Variants in RBFOX1 observed in about 807,000 individuals in gnomAD.
The protein encoded by RBFOX1 is RNA binding fox-1 homolog 1.
A neutral mutation model predicts 57.7 loss-of-function variants in RBFOX1; 8 were observed. The ratio of observed to expected loss-of-function variants is 0.14; its 90% confidence interval spans 0.08 to 0.25. The LOEUF is 0.25. RBFOX1 is among the 10% of genes least tolerant of loss of function. The pLI is 1.00. For missense variants in RBFOX1, 611 were observed against 548.5 expected, an observed-to-expected ratio of 1.11 and a Z score of -1.14; for synonymous variants, 326 against 222.4, an observed-to-expected ratio of 1.47 and a Z score of -4.15.
At chr16:6,849,628 C>T (rs926790881) in intron 3 of RBFOX1, among the ~76,000 whole-genome samples, 5 of 152,154 alleles carry the variant, frequency 3.3e-5, no homozygotes, top group East Asian at 3.9e-4. Context: ...GAGATTGTAC[C>T]ACTGTACTGC....
At chr16:6,234,164 C>G (rs914156804) in intron 1 of RBFOX1, among the ~76,000 whole-genome samples, 1 of 152,186 alleles carries the variant, frequency 6.6e-6, no homozygotes, top group Non-Finnish European at 1.5e-5. Context: ...CCTCTTTTCA[C>G]CATCACAGTG....
intron 4 of RBFOX1, among the ~76,000 whole-genome samples, chr16:7,165,754 C>G (rs2079346346): frequency 6.6e-6 from 1 of 151,952 alleles, no homozygotes; most frequent in Non-Finnish European, 1.5e-5. Context: ...TTAGATTTAA[C>G]TTTGTTCTCC....
intron 4 of RBFOX1, among the ~76,000 whole-genome samples, chr16:7,114,438 C>T (rs971389352): frequency 1.3e-5 from 2 of 152,140 alleles, no homozygotes; most frequent in Non-Finnish European, 2.9e-5. Context: ...CAGAAATGTA[C>T]CGTGCAGTCT....
Position 5,537,717 on chromosome 16 carries a change from A to G in RBFOX1, c.259-61185A>G, listed in dbSNP as rs76468126. Among the ~76,000 whole-genome samples the G allele has an allele frequency of 8.2e-3, 1,254 of 152,040 alleles. 23 individuals are homozygous for G. Among genetic ancestry groups the G allele is most frequent in the African/African-American group, 0.028 (1,175 of 41,476 alleles). On this transcript the variant is annotated intron_variant, in intron 2 of 2. Coordinates refer to the RBFOX1 transcript ENST00000585867. ...GCTGGTTGAATCCTTCTCATTTTTC[A>G]TTTCTTTGACTTTTCTCAGACCCAG... is the stretch of plus-strand genomic sequence containing the variant.
Position 6,891,793 on chromosome 16 carries a change from A to T in RBFOX1, c.-15-160264A>T, listed in dbSNP as rs1200482454. 2.0e-5 allele frequency among the ~76,000 whole-genome samples: 3 copies of T among 152,324 alleles called. No individual in the cohort carries two copies. The East Asian group carries it at 5.8e-4, about 29-fold the overall frequency. Reference sequence around the variant, plus strand: ...TCTCATCAAATTCCTGCTGCCCAAAATAGAGCAAAGGTTGAGCCAGCCTAA... The same window carrying T: ...TCTCATCAAATTCCTGCTGCCCAAATTAGAGCAAAGGTTGAGCCAGCCTAA... On this transcript the variant is annotated intron_variant, in intron 3 of 15. Coordinates refer to ENST00000550418, the MANE Select transcript of RBFOX1 (RefSeq NM_018723.4).
At chr16:6,264,907 C>T (rs973031440) in intron 1 of RBFOX1, among the ~76,000 whole-genome samples, 3 of 152,166 alleles carry the variant, frequency 2.0e-5, no homozygotes, top group African/African-American at 7.2e-5. Context: ...GTGCAGTGAG[C>T]ATTGGTTGAA....
rs199503873 is a variant in RBFOX1, at chr16:6,987,456, GACACACACACACACACAC to G, written c.-15-64569_-15-64552del. Among the ~76,000 whole-genome samples the G allele has an allele frequency of 1.6e-3, 211 of 135,524 alleles. 1 individual carries two copies. Among genetic ancestry groups the G allele is most frequent in the Middle Eastern group, 0.012 (3 of 252 alleles). The allele number at this position is 135,524 out of a possible 152,430, so 88.9% of individuals were successfully genotyped here. ...CAGGACAGCAACAGAAAACTTTTCA[GACACACACACACACACAC>G]ACACACACACACACACACACACACA... On this transcript the variant is annotated intron_variant, in intron 3 of 15. Transcript: ENST00000550418.
intron 2 of RBFOX1, among the ~76,000 whole-genome samples, chr16:6,383,640 T>A (rs2092011984): frequency 6.6e-6 from 1 of 151,976 alleles, no homozygotes; most frequent in Non-Finnish European, 1.5e-5. Context: ...GCGTATGGTG[T>A]GTGCCTATAA....
intron 14 of RBFOX1, among the ~76,000 whole-genome samples, chr16:7,682,006 T>G (rs940440598): frequency 1.8e-4 from 28 of 152,186 alleles, no homozygotes; most frequent in African/African-American, 5.8e-4. Context: ...GGCACCTGCC[T>G]TTGATGGCAT....
At chr16:6,590,419 G>T (rs2097693929) in intron 2 of RBFOX1, among the ~76,000 whole-genome samples, 1 of 152,216 alleles carries the variant, frequency 6.6e-6, no homozygotes, top group African/African-American at 2.4e-5. Context: ...AATTTTTTTT[G>T]TGTGTGTAGG....
rs373003269 is a variant in RBFOX1, at chr16:6,755,834, G to C, written c.-16+101184G>C. On this transcript the variant is annotated intron_variant, in intron 3 of 15. Coordinates refer to ENST00000550418, the MANE Select transcript of RBFOX1 (RefSeq NM_018723.4). Reference sequence around the variant, plus strand: ...GGAGCGATTATACTTAAAGTAATATGGATTCTTTCAGAGCTGCCAAAAGGT... The same window carrying C: ...GGAGCGATTATACTTAAAGTAATATCGATTCTTTCAGAGCTGCCAAAAGGT... Among the ~76,000 whole-genome samples, 3 of 152,056 alleles carry C rather than the reference G, an allele frequency of 2.0e-5. No homozygotes were observed. In the East Asian group the frequency reaches 5.8e-4, roughly 29 times the overall value.
intron 3 of RBFOX1, among the ~76,000 whole-genome samples, chr16:5,696,228 A>G (rs1827449714): frequency 6.6e-6 from 1 of 152,166 alleles, no homozygotes; most frequent in African/African-American, 2.4e-5. Context: ...TCCCATTTTC[A>G]TTGTCTTCCT....
In RBFOX1 at chr16:6,279,140, G is replaced by A. The variant is rs564841095; in HGVS notation, c.-126-37855G>A. Among the ~76,000 whole-genome samples the A allele has an allele frequency of 8.3e-4, 127 of 152,126 alleles. 2 individuals carry two copies. Among genetic ancestry groups the A allele is most frequent in the Non-Finnish European group, 1.4e-3 (96 of 67,994 alleles). On this transcript the variant is annotated intron_variant, in intron 1 of 15. Transcript: ENST00000550418. ...GTGGAATTAACTCTGTTAGGTTCTG[G>A]GGGTGTTTATGGGTATTATAAAACA... is the stretch of plus-strand genomic sequence containing the variant.
chr16:6,844,639 A>T (rs147821773), intron 3 of RBFOX1, among the ~76,000 whole-genome samples: 13 of 152,086 alleles, frequency 8.5e-5, no homozygotes, highest in Non-Finnish European at 1.6e-4. Flanking sequence ...TAGTGCTGCA[A>T]TTAACTTACA....
chr16:7,060,373 C>T (rs2053874874), intron 4 of RBFOX1, among the ~76,000 whole-genome samples: 1 of 152,152 alleles, frequency 6.6e-6, no homozygotes, highest in African/African-American at 2.4e-5. Flanking sequence ...ACAGAGAAAT[C>T]ATTCAAAGAA....
intron 1 of RBFOX1, among the ~76,000 whole-genome samples, chr16:6,100,676 A>G (rs568755663): frequency 6.6e-6 from 1 of 152,354 alleles, no homozygotes; most frequent in African/African-American, 2.4e-5. Flanking sequence ...ATCTAACATT[A>G]CAGCAACACC....
chr16:6,664,104 A>G lies in RBFOX1; in HGVS notation c.-16+9454A>G, dbSNP rs142584812. Among the ~76,000 whole-genome samples the G allele has an allele frequency of 1.4e-4, 21 of 152,304 alleles. No individual in the cohort carries two copies. The East Asian group carries it at 3.9e-3, about 28-fold the overall frequency. ...TTTGTCTTATAGAGTCTACTTGCTC[A>G]TAGATCATGTTTATGTATGACCTTT... On this transcript the variant is annotated intron_variant, in intron 3 of 15. Coordinates refer to ENST00000550418, the MANE Select transcript of RBFOX1 (RefSeq NM_018723.4).
chr16:5,810,276 G>A (rs2055374258), intron 3 of RBFOX1, among the ~76,000 whole-genome samples: 5 of 152,076 alleles, frequency 3.3e-5, no homozygotes, highest in Admixed American at 3.3e-4. Context: ...GTATACATAT[G>A]TAACTAACCT....
At chr16:7,652,648 C>A (rs1354246390) in intron 11 of RBFOX1, among the ~76,000 whole-genome samples, 1 of 152,168 alleles carries the variant, frequency 6.6e-6, no homozygotes, top group African/African-American at 2.4e-5. Context: ...CCTCATGATC[C>A]ACCTGCCTCA....
Sources: allele counts gnomAD v4.1 joint callset (sites outside exome capture counted in the v4.1 genomes callset), GRCh38; gene constraint gnomAD v4.1.1; transcripts MANE v1.5; gene names NCBI Gene and HGNC (gene_info 2026-07-23, HGNC 2026-07-21).